Variants in DBN1 observed in about 807,000 individuals in gnomAD.
The protein encoded by DBN1 is drebrin 1.
A neutral mutation model predicts 83.5 loss-of-function variants in DBN1; 21 were observed. That is an observed-to-expected ratio of 0.25 (90% CI 0.18 to 0.36). The LOEUF is 0.36. Ranked by LOEUF, DBN1 falls within the 10% of genes least tolerant of loss-of-function variation. The probability of loss-of-function intolerance (pLI) is 1.00; values close to 1 mark genes in which losing one functional copy is unlikely to be tolerated. For synonymous variants in DBN1, 381 were observed against 384.9 expected, an observed-to-expected ratio of 0.99 and a Z score of 0.12; for missense variants, 874 against 935.7, an observed-to-expected ratio of 0.93 and a Z score of 0.86.
chr5:177,472,373 C>T, intron 1 of DBN1: 1 of 1,473,796 alleles, frequency 6.8e-7, no homozygotes, highest in Non-Finnish European at 8.9e-7. Context: ...GGAGAGGAGG[C>T]CTAGGAACCA....
chr5:177,472,164 T>C (rs1283819664), intron 1 of DBN1: 3 of 1,613,370 alleles, frequency 1.9e-6, no homozygotes, highest in Non-Finnish European at 2.5e-6. Context: ...CCTCCAGGCC[T>C]GGCTGCTGGC....
At chr5:177,463,535 G>A (rs530109848) in intron 8 of DBN1, among the ~76,000 whole-genome samples, 8 of 152,360 alleles carry the variant, frequency 5.3e-5, no homozygotes, top group Admixed American at 1.3e-4. Context: ...TAACAGGGGA[G>A]AGAAAGCAAC....
In DBN1 at chr5:177,473,450, C is replaced by G. The variant is rs765280676; in HGVS notation, c.72G>C (p.Glu24Asp). ...LAAYEEVIREESAADWALYTY... is the reference protein window; with the variant it reads ...LAAYEEVIREDSAADWALYTY... Reference sequence around the variant, plus strand: ...GGGGGGCTCACCAGTCGGCCGCGCTCTCCTCTCGGATCACCTCCTCGTAAG... The same window carrying G: ...GGGGGGCTCACCAGTCGGCCGCGCTGTCCTCTCGGATCACCTCCTCGTAAG... Residue 24 changes from glutamate (E) to aspartate (D), a missense_variant, in exon 1 of 15, where the codon GAG (glutamate) becomes GAC (aspartate). This residue lies in a region of DBN1 where 82 missense variants were observed against 101.7 expected (regional missense o/e 0.81). Transcript: ENST00000393565. The G allele has an allele frequency of 2.1e-6, 3 of 1,430,380 alleles. No individual in the cohort carries two copies. The highest frequency in any genetic ancestry group is 2.3e-5 in the Admixed American group (1 of 44,016). The allele number at this position is 1,430,380 out of a possible 1,614,324, so 88.6% of individuals were successfully genotyped here.
rs920612887 is a variant in DBN1, at chr5:177,465,013, A to G, written c.771+1759T>C. 7.3e-5 allele frequency among the ~76,000 whole-genome samples: 11 copies of G among 151,708 alleles called. No homozygotes were observed. The East Asian group carries it at 1.2e-3, about 16-fold the overall frequency. On this transcript the variant is annotated intron_variant, in intron 8 of 14. Coordinates refer to ENST00000393565, the MANE Select transcript of DBN1 (RefSeq NM_001363541.2). ...ACTAAAAATACAAAAAATTAGCCGG[A>G]CGTGGTGGCGGGCACCTGTAGTCCC...
chr5:177,472,969 G>A, intron 1 of DBN1: 1 of 445,238 alleles, frequency 2.2e-6, no homozygotes, highest in Non-Finnish European at 3.0e-6. Context: ...CCTTTGTGCT[G>A]TGGCCGGGCC....
Position 177,459,256 on chromosome 5 carries a change from T to TCCAGGTGGCTGC in DBN1, c.1094_1105dup (p.Leu368_Asp369insGlySerHisLeu). 1 of 1,607,014 alleles carries TCCAGGTGGCTGC rather than the reference T, an allele frequency of 6.2e-7. No individual in the cohort carries two copies. The highest frequency in any genetic ancestry group is 2.2e-5 in the East Asian group (1 of 44,684). ...AGTGGGCGCCATCCTCCGGTGGCTG[T>TCCAGGTGGCTGC]CCAGGTGGCTGCCTGTGGAACAAAC... is the stretch of plus-strand genomic sequence containing the variant. On this transcript the variant is annotated inframe_insertion, in exon 12 of 15. Coordinates refer to ENST00000393565, the MANE Select transcript of DBN1 (RefSeq NM_001363541.2).
chr5:177,460,560 G>C lies in DBN1; in HGVS notation c.832-5C>G, dbSNP rs1239354078. On this transcript the variant is annotated splice_polypyrimidine_tract_variant and splice_region_variant and intron_variant, in intron 9 of 14. Transcript: ENST00000393565. ...GGCAATAATAGCTGCTGCCTCCTGA[G>C]GGCACGAGGAAAAGGTTGGGGCTGG... 6.2e-7 allele frequency: 1 copy of C among 1,614,180 alleles called. No homozygotes were observed.
intron 8 of DBN1, among the ~76,000 whole-genome samples, chr5:177,465,535 TG>T (rs1561684310): frequency 6.6e-6 from 1 of 152,180 alleles, no homozygotes; most frequent in African/African-American, 2.4e-5. Flanking sequence ...ATGACTGAAA[TG>T]GTACATTTTA....
rs377628829 is a variant in DBN1 at position 177,473,553 on chromosome 5, C to T, written c.-32G>A. The T allele has an allele frequency of 1.3e-3, 1,702 of 1,298,788 alleles. 19 individuals carry two copies. In the African/African-American group the frequency reaches 0.023, roughly 18 times the overall value. 80.5% of individuals were successfully genotyped at this position (1,298,788 alleles called of 1,614,324 possible). ...GGCCGGACCGGGCCGAACGGACAGA[C>T]GCGCGGACGGACGGGCGGACGGAGG... On this transcript the variant is annotated 5_prime_UTR_variant, in exon 1 of 15. Transcript: ENST00000393565.
In DBN1 at chr5:177,457,283, G is replaced by A. The variant is rs1359357981; in HGVS notation, c.*150C>T. ...AAGCTGTAAAAGTCAGGCCCTGTGG[G>A]TAGGGAAGCGGCCAAGTCCCCAGCC... On this transcript the variant is annotated 3_prime_UTR_variant, in exon 15 of 15. Transcript: ENST00000393565. The A allele has an allele frequency of 1.4e-6, 1 of 699,228 alleles. No individual in the cohort carries two copies. The highest frequency in any genetic ancestry group is 2.6e-6 in the Non-Finnish European group (1 of 387,326). 43.3% of individuals were successfully genotyped at this position (699,228 alleles called of 1,614,324 possible). A position where few individuals can be genotyped will look rare whatever the true frequency, so the allele number is the denominator to read the frequency against.
chr5:177,463,025 A>G (rs1253568984), intron 8 of DBN1, among the ~76,000 whole-genome samples: 1 of 151,046 alleles, frequency 6.6e-6, no homozygotes, highest in Non-Finnish European at 1.5e-5. Context: ...AAAGGACCAG[A>G]GGCAACTACC....
In DBN1 at chr5:177,466,498, G is replaced by C. The variant is rs1032395134; in HGVS notation, c.771+274C>G. Among the ~76,000 whole-genome samples the C allele has an allele frequency of 2.6e-5, 4 of 152,206 alleles. No homozygotes were observed. Among genetic ancestry groups the C allele is most frequent in the Admixed American group, 1.3e-4 (2 of 15,282 alleles). ...CCGAGAAACCCCAGGGCAGGGGAGG[G>C]GGAGCCTGGTCAGTGAGGGTCTGGG... On this transcript the variant is annotated intron_variant, in intron 8 of 14. Coordinates refer to ENST00000393565, the MANE Select transcript of DBN1 (RefSeq NM_001363541.2). The surrounding 1 kb of genome is among the most constrained non-coding windows in gnomAD (Gnocchi z 4.8).
intron 8 of DBN1, among the ~76,000 whole-genome samples, chr5:177,463,164 G>C (rs1173676791): frequency 2.0e-5 from 3 of 152,262 alleles, no homozygotes; most frequent in African/African-American, 7.2e-5. Flanking sequence ...AGCCTCCCGA[G>C]TAGCTGGGAC....
chr5:177,462,903 G>A (rs941376786), intron 8 of DBN1, among the ~76,000 whole-genome samples: 2 of 152,114 alleles, frequency 1.3e-5, no homozygotes, highest in East Asian at 3.8e-4. Context: ...AGCCCACGGG[G>A]TTCCAGTCAG....
At chr5:177,462,394 A>G in intron 8 of DBN1, 8 of 985,428 alleles carry the variant, frequency 8.1e-6, no homozygotes, top group Non-Finnish European at 9.6e-6. Context: ...CAGCGTGGCC[A>G]CTGCTTCCTG....
At position 177,467,324 on chromosome 5, in the gene DBN1, G is replaced by A. The variant is rs751266424; in HGVS notation, c.486C>T (p.Thr162=). The A allele has an allele frequency of 2.0e-5, 32 of 1,614,190 alleles. 1 individual carries two copies. The highest frequency in any genetic ancestry group is 1.5e-4 in the South Asian group (14 of 91,088). ...CCACAGCTGCATCCGTCTTCTGGTAGGTGGTGCCCTGCAGTGTCGAAGGAC... is the reference window on the plus strand; with the variant it reads ...CCACAGCTGCATCCGTCTTCTGGTAAGTGGTGCCCTGCAGTGTCGAAGGAC... ...EDENAEPVGT[T]YQKTDAAVEM... The change falls in exon 6 of 15, where the codon ACC becomes ACT. Residue 162 remains threonine (T), a synonymous_variant. Transcript: ENST00000393565. This position sits in a 1 kb window ranked among gnomAD's most constrained non-coding sequence, Gnocchi z 9.1.
intron 11 of DBN1, 33 bp from the exon 12 acceptor site, chr5:177,459,301 G>T: frequency 6.3e-7 from 1 of 1,593,712 alleles, no homozygotes; most frequent in Non-Finnish European, 8.5e-7. Flanking sequence ...GTCAGTGAGG[G>T]CGGGGGAGCC....
Position 177,467,708 on chromosome 5 carries a change from C to T in DBN1, c.330+35G>A. 6.4e-7 allele frequency: 1 copy of T among 1,552,328 alleles called. No homozygotes were observed. Among genetic ancestry groups the T allele is most frequent in the Non-Finnish European group, 8.7e-7 (1 of 1,147,700 alleles). On this transcript the variant is annotated intron_variant, in intron 4 of 14. Coordinates refer to ENST00000393565, the MANE Select transcript of DBN1 (RefSeq NM_001363541.2). This position sits in a 1 kb window ranked among gnomAD's most constrained non-coding sequence, Gnocchi z 9.1. ...CCAGCACGCAGACCCTGGTGGCTGT[C>T]CCCACCCCCAAGAGCGCTGGCCCCT...
intron 2 of DBN1, 113 bp from the exon 3 acceptor site, chr5:177,468,333 T>C: frequency 1.1e-6 from 1 of 870,290 alleles, no homozygotes; most frequent in Non-Finnish European, 1.9e-6. Context: ...CCCAGGGGTC[T>C]TCTGGCCTCT....
Sources: allele counts gnomAD v4.1 joint callset (sites outside exome capture counted in the v4.1 genomes callset), GRCh38; gene constraint gnomAD v4.1.1; regional missense constraint gnomAD v4.1.1; non-coding constraint Gnocchi (gnomAD v3.1); transcripts MANE v1.5; gene names NCBI Gene and HGNC (gene_info 2026-07-23, HGNC 2026-07-21).